The following CSRNP3 variants were observed in gnomAD, a reference collection of about 807,000 sequenced individuals.
The protein encoded by CSRNP3 is cysteine and serine rich nuclear protein 3.
In CSRNP3, 12 loss-of-function variants were observed where a neutral mutation model predicts 48.0. The observed-to-expected ratio is 0.25, with a 90% CI of 0.16 to 0.41. The LOEUF (loss-of-function observed/expected upper bound fraction) is 0.41, where lower values mean the gene tolerates loss of function less well. Ranked by LOEUF, CSRNP3 falls within the 10% of genes least tolerant of loss-of-function variation. The probability of loss-of-function intolerance (pLI) is 1.00; values close to 1 mark genes in which losing one functional copy is unlikely to be tolerated. For missense variants in CSRNP3, 580 were observed against 724.4 expected, an observed-to-expected ratio of 0.80 and a Z score of 2.29; for synonymous variants, 263 against 269.7, an observed-to-expected ratio of 0.98 and a Z score of 0.24.
At chr2:165,655,151 T>C (rs1166097978) in intron 4 of CSRNP3, among the ~76,000 whole-genome samples, 1 of 152,200 alleles carries the variant, frequency 6.6e-6, no homozygotes, top group Non-Finnish European at 1.5e-5. Flanking sequence ...TCAATTTTTT[T>C]CATTGCTTAC....
In CSRNP3 at chr2:165,686,877, A is replaced by G. The variant is rs1573970829; in HGVS notation, c.*7124A>G. 1 of 151,998 alleles carries G rather than the reference A, an allele frequency of 6.6e-6. No individual in the cohort carries two copies. The highest frequency in any genetic ancestry group is 2.4e-5 in the African/African-American group (1 of 41,410). 9.4% of individuals were successfully genotyped at this position (151,998 alleles called of 1,614,324 possible). ...ATACTGGAAAGTTTGAGATTCTTCT[A>G]TATTCTTCAAATTTATGGTCCTGAG... On this transcript the variant is annotated 3_prime_UTR_variant, in exon 7 of 7. Transcript: ENST00000651982.
Position 165,506,587 on chromosome 2 carries a change from C to T in CSRNP3, c.-112-11286C>T, listed in dbSNP as rs74618492. 2.0e-3 allele frequency among the ~76,000 whole-genome samples: 303 copies of T among 152,246 alleles called. 5 individuals carry two copies. In the East Asian group the frequency reaches 0.038, roughly 19 times the overall value. Reference sequence around the variant, plus strand: ...ACTCTTGATCTCTGGTGACTTACATCGCCTCTTCCTTTGGGCCTCCAGTCT... The same window carrying T: ...ACTCTTGATCTCTGGTGACTTACATTGCCTCTTCCTTTGGGCCTCCAGTCT... On this transcript the variant is annotated intron_variant, in intron 2 of 6. Transcript: ENST00000651982.
rs189183823 is a variant in CSRNP3, at chr2:165,527,399, G to A, written c.-24+9438G>A. Among the ~76,000 whole-genome samples, 98 of 151,776 alleles carry A rather than the reference G, an allele frequency of 6.5e-4. 1 individual carries two copies. In the East Asian group the frequency reaches 0.016, roughly 25 times the overall value. ...TTTTTGTATTTTTAGTAGAGACGGCGTTTCACCATGTTAGCCAGGATGGTC... is the reference window on the plus strand; with the variant it reads ...TTTTTGTATTTTTAGTAGAGACGGCATTTCACCATGTTAGCCAGGATGGTC... On this transcript the variant is annotated intron_variant, in intron 3 of 6. Coordinates refer to ENST00000651982, the MANE Select transcript of CSRNP3 (RefSeq NM_001172173.2).
rs569243956 is a variant in CSRNP3, at chr2:165,632,295, G to A, written c.149-25466G>A. On this transcript the variant is annotated intron_variant, in intron 4 of 6. Transcript: ENST00000651982. ...CTACTACTTTGGGAGGCTGAGGCAG[G>A]AGGATTGCTTGAGGCCAGGAGTTCA... Among the ~76,000 whole-genome samples, 3 of 152,284 alleles carry A rather than the reference G, an allele frequency of 2.0e-5. No homozygotes were observed. The South Asian group carries it at 6.2e-4, about 32-fold the overall frequency.
chr2:165,500,377 G>A (rs189803867), intron 2 of CSRNP3, among the ~76,000 whole-genome samples: 61 of 147,680 alleles, frequency 4.1e-4, no homozygotes, highest in African/African-American at 1.5e-3. Flanking sequence ...ATATGTATAT[G>A]CGTATATGTA....
At chr2:165,510,896 A>G (rs542264019) in intron 2 of CSRNP3, among the ~76,000 whole-genome samples, 24 of 152,272 alleles carry the variant, frequency 1.6e-4, no homozygotes, top group African/African-American at 5.5e-4. Flanking sequence ...ATTGGGTTTG[A>G]TTTCCTTGGA....
chr2:165,509,441 G>T (rs1302003098), intron 2 of CSRNP3, among the ~76,000 whole-genome samples: 1 of 152,140 alleles, frequency 6.6e-6, no homozygotes, highest in Admixed American at 6.5e-5. Context: ...GGAAGTGAAA[G>T]ATGTGGGGAC....
At chr2:165,493,669 C>T (rs1684249709) in intron 1 of CSRNP3, among the ~76,000 whole-genome samples, 3 of 152,182 alleles carry the variant, frequency 2.0e-5, no homozygotes, top group South Asian at 4.1e-4. Context: ...ACCCAAGTAA[C>T]AGCTTCACCC....
chr2:165,613,202 T>C (rs543587634), intron 4 of CSRNP3, among the ~76,000 whole-genome samples: 98 of 152,296 alleles, frequency 6.4e-4, no homozygotes, highest in African/African-American at 2.3e-3. Flanking sequence ...ATAATACTTG[T>C]TGGCTATTTA....
chr2:165,471,881 A>C (rs1683899449), intron 1 of CSRNP3, among the ~76,000 whole-genome samples: 1 of 152,064 alleles, frequency 6.6e-6, no homozygotes, highest in Admixed American at 6.6e-5. Context: ...AGCATGAAAG[A>C]AAACAGTTAA....
chr2:165,492,175 A>T (rs1684221603), intron 1 of CSRNP3, among the ~76,000 whole-genome samples: 1 of 152,092 alleles, frequency 6.6e-6, no homozygotes, highest in African/African-American at 2.4e-5. Context: ...CCTCCCTACT[A>T]GGATTTTCCT....
chr2:165,601,478 AT>A (rs544948252), intron 4 of CSRNP3, among the ~76,000 whole-genome samples: 9 of 152,116 alleles, frequency 5.9e-5, no homozygotes, highest in Non-Finnish European at 1.3e-4. Context: ...TAGAATTAAG[AT>A]TTTTTTTAAT....
chr2:165,506,650 G>C (rs534854330), intron 2 of CSRNP3, among the ~76,000 whole-genome samples: 51 of 152,228 alleles, frequency 3.4e-4, no homozygotes, highest in Non-Finnish European at 6.5e-4. Context: ...GCTAATATCT[G>C]AGTTTCTTTT....
chr2:165,559,724 A>G (rs1685205426), intron 3 of CSRNP3, among the ~76,000 whole-genome samples: 1 of 151,548 alleles, frequency 6.6e-6, no homozygotes, highest in African/African-American at 2.4e-5. Flanking sequence ...TGTATTGTGC[A>G]CTTTAAGTAT....
intron 4 of CSRNP3, among the ~76,000 whole-genome samples, chr2:165,603,063 T>A (rs547432721): frequency 2.6e-5 from 4 of 151,934 alleles, no homozygotes; most frequent in Admixed American, 6.6e-5. Context: ...GCCCGGCTAA[T>A]TTTTTGTAGT....
intron 1 of CSRNP3, among the ~76,000 whole-genome samples, chr2:165,486,204 G>A (rs1042046402): frequency 6.6e-6 from 1 of 152,252 alleles, no homozygotes; most frequent in Middle Eastern, 3.4e-3. Context: ...GGAAAATCGG[G>A]TCACTCCCAC....
At chr2:165,534,648 A>G (rs1273376402) in intron 3 of CSRNP3, among the ~76,000 whole-genome samples, 1 of 151,836 alleles carries the variant, frequency 6.6e-6, no homozygotes, top group Non-Finnish European at 1.5e-5. Flanking sequence ...TCTTATAAAG[A>G]AATATTATAT....
chr2:165,639,101 A>C (rs1686682810), intron 4 of CSRNP3, among the ~76,000 whole-genome samples: 2 of 152,196 alleles, frequency 1.3e-5, no homozygotes, highest in Non-Finnish European at 2.9e-5. Flanking sequence ...ATGCCTGAAA[A>C]AAACATGTCT....
chr2:165,643,330 G>A (rs1463015027), intron 4 of CSRNP3, among the ~76,000 whole-genome samples: 2 of 152,168 alleles, frequency 1.3e-5, no homozygotes, highest in African/African-American at 4.8e-5. Flanking sequence ...AAGCTTGAGG[G>A]ATGAGAAAAA....
Sources: gnomAD v4.1 joint callset for allele counts (sites outside exome capture counted in the v4.1 genomes callset) on GRCh38, gnomAD v4.1.1 for gene constraint, MANE v1.5 for transcripts, NCBI Gene and HGNC (gene_info 2026-07-23, HGNC 2026-07-21) for gene names.